Variants in LRRC28 observed in about 807,000 individuals in gnomAD.
LRRC28 encodes leucine-rich repeat-containing protein 28.
Under a neutral mutation model 45.7 loss-of-function variants are expected in LRRC28, and 39 were observed. That is an observed-to-expected ratio of 0.85 (90% CI 0.66 to 1.12). LRRC28 has a LOEUF of 1.12. Among genes scored for constraint, LRRC28 ranks in the 50% most tolerant of loss-of-function variants. The pLI is 0.00. For synonymous variants in LRRC28, 206 were observed against 178.8 expected, an observed-to-expected ratio of 1.15 and a Z score of -1.22; for missense variants, 435 against 438.5, an observed-to-expected ratio of 0.99 and a Z score of 0.07.
chr15:99,262,318 A>G (rs2081220743), intron 2 of LRRC28, among the ~76,000 whole-genome samples: 1 of 152,148 alleles, frequency 6.6e-6, no homozygotes, highest in Non-Finnish European at 1.5e-5. Flanking sequence ...ATGGTGGCTC[A>G]TGCCTGTAAT....
intron 3 of LRRC28, among the ~76,000 whole-genome samples, chr15:99,276,881 C>T (rs2081631506): frequency 1.3e-5 from 2 of 152,092 alleles, no homozygotes; most frequent in African/African-American, 2.4e-5. Context: ...TGTCTTCTGT[C>T]ACAGAATCTT....
rs1474504686 is a variant in LRRC28, at chr15:99,256,114, C to G, written c.157C>G (p.Leu53Val). 6.2e-7 allele frequency: 1 copy of G among 1,609,606 alleles called. No homozygotes were observed. The highest frequency in any genetic ancestry group is 8.5e-7 in the Non-Finnish European group (1 of 1,178,374). The stretch of plus-strand genomic sequence containing the variant: ...GAGACTCTATATGAAAAGGAACTCC[C>G]TGACATCCTTGGTACAGTATTATAT... Reference protein sequence around the residue: ...LERLYMKRNSLTSLPENLAQK... With the variant: ...LERLYMKRNSVTSLPENLAQK... Residue 53 changes from leucine to valine, a missense_variant, in exon 2 of 10, where the codon CTG becomes GTG. Leu to Val is a conservative substitution (Grantham distance 32, BLOSUM62 1). Coordinates refer to ENST00000301981, the MANE Select transcript of LRRC28 (RefSeq NM_144598.5).
chr15:99,262,410 C>T (rs893354810), intron 2 of LRRC28, among the ~76,000 whole-genome samples: 1 of 151,952 alleles, frequency 6.6e-6, no homozygotes, highest in Non-Finnish European at 1.5e-5. Context: ...GATGAAACCC[C>T]ATCTCTACCA....
At chr15:99,353,564 A>G (rs769151562) in intron 7 of LRRC28, 4 of 152,288 alleles carry the variant, frequency 2.6e-5, no homozygotes, top group East Asian at 1.9e-4. Context: ...TAGCTCAGTG[A>G]TTTTTCTACA....
chr15:99,295,360 G>A (rs1232176341), intron 5 of LRRC28, among the ~76,000 whole-genome samples: 1 of 152,130 alleles, frequency 6.6e-6, no homozygotes, highest in East Asian at 1.9e-4. Context: ...ATGACATTTT[G>A]TAATTTGATT....
chr15:99,330,820 A>C (rs1956136948), intron 5 of LRRC28, among the ~76,000 whole-genome samples: 1 of 151,570 alleles, frequency 6.6e-6, no homozygotes, highest in South Asian at 2.1e-4. Flanking sequence ...GCCTTTTTTC[A>C]TGTTAGATAA....
chr15:99,336,719 A>G (rs7169075), intron 6 of LRRC28, among the ~76,000 whole-genome samples: 37,132 of 152,128 alleles, frequency 0.24, 4,758 homozygotes, highest in African/African-American at 0.31. Flanking sequence ...CAGAAATCTT[A>G]TAAAAGCCTA....
chr15:99,275,895 C>T (rs1008559939), intron 2 of LRRC28, among the ~76,000 whole-genome samples: 7 of 152,146 alleles, frequency 4.6e-5, no homozygotes, highest in African/African-American at 1.2e-4. Context: ...CTGTTAGGAA[C>T]GGGGCCGCAC....
At chr15:99,285,300 C>T in intron 3 of LRRC28, 1 of 739,454 alleles carries the variant, frequency 1.4e-6, no homozygotes, top group South Asian at 1.3e-5. Flanking sequence ...CTTTGAGAAT[C>T]TTCTCTTGAG....
At chr15:99,283,115 A>G (rs1597229235) in intron 3 of LRRC28, among the ~76,000 whole-genome samples, 1 of 151,582 alleles carries the variant, frequency 6.6e-6, no homozygotes, top group Non-Finnish European at 1.5e-5. Flanking sequence ...TTGGTCTCAA[A>G]CTCCTCACCT....
intron 2 of LRRC28, among the ~76,000 whole-genome samples, chr15:99,266,533 A>G (rs1015176675): frequency 1.3e-5 from 2 of 152,120 alleles, no homozygotes; most frequent in South Asian, 2.1e-4. Context: ...GGAGACAGTT[A>G]GGAGAAGATA....
chr15:99,278,511 G>T (rs1307269235), intron 3 of LRRC28, among the ~76,000 whole-genome samples: 2 of 152,228 alleles, frequency 1.3e-5, no homozygotes, highest in Non-Finnish European at 2.9e-5. Flanking sequence ...CTCCCAAAGT[G>T]CTGGGATTAC....
chr15:99,301,301 C>A (rs927377033), intron 5 of LRRC28, among the ~76,000 whole-genome samples: 3 of 152,080 alleles, frequency 2.0e-5, no homozygotes, highest in African/African-American at 7.2e-5. Flanking sequence ...TCTTTTGAGA[C>A]TCTTAATAAA....
Position 99,389,975 on chromosome 15 carries a change from A to C in LRRC28, c.*3873A>C, listed in dbSNP as rs1202786629. On this transcript the variant is annotated 3_prime_UTR_variant, in exon 10 of 10. Coordinates refer to ENST00000301981, the MANE Select transcript of LRRC28 (RefSeq NM_144598.5). ...CTACTAAAAATACAAAAAATTAGCC[A>C]GGCGTGGTGGCGCGCACCTGCAGTC... The C allele has an allele frequency of 6.6e-6, 1 of 152,278 alleles. No individual in the cohort carries two copies. The highest frequency in any genetic ancestry group is 1.5e-5 in the Non-Finnish European group (1 of 68,164). The allele number at this position is 152,278 out of a possible 1,614,324, so 9.4% of individuals were successfully genotyped here.
At chr15:99,381,536 A>G (rs542583668) in intron 9 of LRRC28, among the ~76,000 whole-genome samples, 1 of 152,322 alleles carries the variant, frequency 6.6e-6, no homozygotes, top group South Asian at 2.1e-4. Flanking sequence ...TCAACTCGTC[A>G]AAGTCATTCT....
chr15:99,385,278 C>T (rs1957948516), intron 9 of LRRC28, among the ~76,000 whole-genome samples: 1 of 152,218 alleles, frequency 6.6e-6, no homozygotes, highest in South Asian at 2.1e-4. Context: ...CAGAGGTCCC[C>T]TTCCTGGGCC....
At chr15:99,284,714 C>T (rs930603164) in intron 3 of LRRC28, 2 of 517,216 alleles carry the variant, frequency 3.9e-6, no homozygotes, top group Non-Finnish European at 7.7e-6. Context: ...GACTCCACCC[C>T]CATAGGAGCC....
chr15:99,279,925 C>T (rs2081734796), intron 3 of LRRC28, among the ~76,000 whole-genome samples: 1 of 152,172 alleles, frequency 6.6e-6, no homozygotes, highest in East Asian at 1.9e-4. Flanking sequence ...TTTTACATTT[C>T]CCCTGGCAAT....
At chr15:99,379,798 A>C (rs1238707154) in intron 9 of LRRC28, among the ~76,000 whole-genome samples, 1 of 152,152 alleles carries the variant, frequency 6.6e-6, no homozygotes, top group African/African-American at 2.4e-5. Flanking sequence ...TTCGTTATGT[A>C]CCCAGTAGTC....
Sources: gnomAD v4.1 joint callset for allele counts (sites outside exome capture counted in the v4.1 genomes callset) on GRCh38, gnomAD v4.1.1 for gene constraint, MANE v1.5 for transcripts, NCBI Gene and HGNC (gene_info 2026-07-23, HGNC 2026-07-21) for gene names.